NRXN1: variants seen among roughly 807,000 people sequenced by gnomAD.
NRXN1 encodes the protein neurexin 1.
In NRXN1, 39 loss-of-function variants were observed where a neutral mutation model predicts 150.9. The observed-to-expected ratio is 0.26, with a 90% CI of 0.20 to 0.34. The LOEUF is 0.34. Ranked by LOEUF, NRXN1 falls within the 10% of genes least tolerant of loss-of-function variation. The pLI, the probability that NRXN1 is intolerant of heterozygous loss-of-function variation, is 1.00. For missense variants in NRXN1, 1,815 were observed against 1,949.9 expected (o/e 0.93, Z 1.30); for synonymous variants, 924 against 757.0 (o/e 1.22, Z -3.62).
At chr2:50,183,836 G>C (rs1300112609) in intron 18 of NRXN1, among the ~76,000 whole-genome samples, 3 of 151,850 alleles carry the variant, frequency 2.0e-5, no homozygotes, top group African/African-American at 7.3e-5. Context: ...TTAAAGATTA[G>C]TTTGCATTTA....
At chr2:50,065,115 A>G (rs747752976) in intron 19 of NRXN1, among the ~76,000 whole-genome samples, 1 of 152,164 alleles carries the variant, frequency 6.6e-6, no homozygotes, top group Non-Finnish European at 1.5e-5. Context: ...GAAGAAAACA[A>G]AGGACCACCA....
intron 5 of NRXN1, among the ~76,000 whole-genome samples, chr2:50,760,673 GA>G (rs571492491): frequency 4.7e-5 from 7 of 147,468 alleles, no homozygotes; most frequent in African/African-American, 9.9e-5. Context: ...CACCTTCACA[GA>G]AAAAAAAAAG....
chr2:50,732,440 A>G (rs574863064), intron 5 of NRXN1, among the ~76,000 whole-genome samples: 1 of 152,288 alleles, frequency 6.6e-6, no homozygotes, highest in African/African-American at 2.4e-5. Context: ...CATCATGAGA[A>G]TAACAGTAGT....
chr2:50,712,994 G>A (rs1486804730), intron 5 of NRXN1, among the ~76,000 whole-genome samples: 4 of 151,980 alleles, frequency 2.6e-5, no homozygotes, highest in Non-Finnish European at 4.4e-5. Flanking sequence ...CATATCTTTT[G>A]TGCTTGTATA....
chr2:50,297,935 G>A (rs941826810), intron 17 of NRXN1, among the ~76,000 whole-genome samples: 3 of 152,136 alleles, frequency 2.0e-5, no homozygotes, highest in African/African-American at 7.2e-5. Context: ...CCGGGCACTT[G>A]ACATGCTCAG....
At chr2:50,298,831 A>G (rs1261180569) in intron 17 of NRXN1, among the ~76,000 whole-genome samples, 1 of 152,194 alleles carries the variant, frequency 6.6e-6, no homozygotes, top group Non-Finnish European at 1.5e-5. Context: ...TTCTTAAAAC[A>G]GATTTTTATG....
intron 2 of NRXN1, among the ~76,000 whole-genome samples, chr2:50,943,017 A>G (rs905623772): frequency 7.2e-5 from 11 of 152,054 alleles, no homozygotes; most frequent in African/African-American, 2.7e-4. Context: ...CATGGAGCAG[A>G]CATCCCCCTT....
At position 50,704,719 on chromosome 2, in the gene NRXN1, T is replaced by C. The variant is rs558775497; in HGVS notation, c.833-81104A>G. On this transcript the variant is annotated intron_variant, in intron 5 of 22. Coordinates refer to ENST00000401669, the MANE Select transcript of NRXN1 (RefSeq NM_001330078.2). ...TCTTTCATTTTACTGCTTTCCTTGA[T>C]CTCATTACTTATGATTAATTAGAAT... is the stretch of plus-strand genomic sequence containing the variant. 1.2e-3 allele frequency among the ~76,000 whole-genome samples: 185 copies of C among 151,942 alleles called. 2 individuals are homozygous for C. The highest frequency in any genetic ancestry group is 4.2e-3 in the African/African-American group (173 of 41,514).
intron 17 of NRXN1, among the ~76,000 whole-genome samples, chr2:50,353,192 C>A (rs1008361926): frequency 6.6e-6 from 1 of 151,976 alleles, no homozygotes; most frequent in African/African-American, 2.4e-5. Flanking sequence ...GTCTTTCATT[C>A]GATTTAATAA....
chr2:50,809,002 CATA>C (rs1461604994), intron 5 of NRXN1, among the ~76,000 whole-genome samples: 4 of 152,058 alleles, frequency 2.6e-5, no homozygotes, highest in African/African-American at 9.7e-5. Context: ...TGGGAAAATT[CATA>C]ATGTCTCTGG....
At chr2:50,227,862 C>A (rs1297912469) in intron 18 of NRXN1, among the ~76,000 whole-genome samples, 1 of 151,960 alleles carries the variant, frequency 6.6e-6, no homozygotes, top group Non-Finnish European at 1.5e-5. Flanking sequence ...GCTAATGTGA[C>A]CAAGGAGCTG....
chr2:50,447,781 C>CTATATATATATATATATATATA (rs2086590835), intron 17 of NRXN1, among the ~76,000 whole-genome samples: 2 of 52,104 alleles, frequency 3.8e-5, no homozygotes, highest in African/African-American at 1.3e-4. Flanking sequence ...ATATATATAC[C>CTATATATATATATATATATATA]TAATTCCCTA....
intron 17 of NRXN1, among the ~76,000 whole-genome samples, chr2:50,255,440 A>C (rs2067602442): frequency 1.3e-5 from 2 of 152,222 alleles, no homozygotes; most frequent in Non-Finnish European, 2.9e-5. Flanking sequence ...GACATGGGGC[A>C]GGTAAGTGTC....
intron 17 of NRXN1, among the ~76,000 whole-genome samples, chr2:50,312,413 T>C (rs2075256293): frequency 1.3e-5 from 2 of 151,732 alleles, no homozygotes; most frequent in Non-Finnish European, 2.9e-5. Context: ...GAGATGGCTG[T>C]TCTTTGTGGG....
rs1670529893 is a variant in NRXN1, at chr2:50,826,927, T to C, written c.832+94942A>G. On this transcript the variant is annotated intron_variant, in intron 5 of 22. Coordinates refer to ENST00000401669, the MANE Select transcript of NRXN1 (RefSeq NM_001330078.2). ...CAGTACTGAATCACCTTCAGAAAGA[T>C]TACAGTCTTTCAGACCAGCATTTGG... 2.0e-5 allele frequency among the ~76,000 whole-genome samples: 3 copies of C among 152,142 alleles called. No individual in the cohort carries two copies. In the South Asian group the frequency reaches 6.2e-4, roughly 31 times the overall value.
chr2:50,333,417 A>G (rs2076958905), intron 17 of NRXN1, among the ~76,000 whole-genome samples: 1 of 152,184 alleles, frequency 6.6e-6, no homozygotes. Context: ...AAATCTCTAC[A>G]AATGTGAAAA....
chr2:50,655,901 G>C (rs1366117833), intron 5 of NRXN1, among the ~76,000 whole-genome samples: 1 of 151,922 alleles, frequency 6.6e-6, no homozygotes, highest in Admixed American at 6.6e-5. Context: ...CAATTATTTA[G>C]CAGTAAATTG....
At chr2:50,726,556 T>A (rs564612837) in intron 5 of NRXN1, among the ~76,000 whole-genome samples, 1 of 152,338 alleles carries the variant, frequency 6.6e-6, no homozygotes, top group African/African-American at 2.4e-5. Flanking sequence ...ATTTAATTCT[T>A]CATTGTGACC....
intron 2 of NRXN1, among the ~76,000 whole-genome samples, chr2:51,014,456 T>C (rs1668367891): frequency 6.6e-6 from 1 of 151,998 alleles, no homozygotes; most frequent in African/African-American, 2.4e-5. Context: ...TCATTAAACT[T>C]AAGGGAGAAA....
Sources: gnomAD v4.1 joint callset for allele counts (sites outside exome capture counted in the v4.1 genomes callset) on GRCh38, gnomAD v4.1.1 for gene constraint, MANE v1.5 for transcripts, NCBI Gene and HGNC (gene_info 2026-07-23, HGNC 2026-07-21) for gene names.